Variants in ATP8A1 observed in about 807,000 individuals in gnomAD.
ATP8A1 encodes phospholipid-transporting ATPase IA.
In ATP8A1, 90 loss-of-function variants were observed where a neutral mutation model predicts 177.7. That is an observed-to-expected ratio of 0.51 (90% CI 0.43 to 0.60). The LOEUF is 0.60. Ranked by LOEUF, ATP8A1 falls within the 20% of genes least tolerant of loss-of-function variation. The pLI, the probability that ATP8A1 is intolerant of heterozygous loss-of-function variation, is 0.00. For synonymous variants in ATP8A1, 493 were observed against 485.9 expected (o/e 1.01, Z -0.19); for missense variants, 1,072 against 1,392.8 (o/e 0.77, Z 3.67).
chr4:42,554,627 G>A (rs1375201217), intron 16 of ATP8A1, among the ~76,000 whole-genome samples: 1 of 152,150 alleles, frequency 6.6e-6, no homozygotes, highest in Admixed American at 6.5e-5. Context: ...AGTTCAAGTT[G>A]GGACATACTG....
intron 12 of ATP8A1, among the ~76,000 whole-genome samples, chr4:42,576,345 A>G (rs1171998038): frequency 2.0e-5 from 3 of 151,752 alleles, no homozygotes; most frequent in African/African-American, 4.8e-5. Context: ...GAGTGGTGGC[A>G]GGCACCTGCA....
chr4:42,630,159 T>C (rs1021966711), intron 1 of ATP8A1, among the ~76,000 whole-genome samples: 34 of 152,346 alleles, frequency 2.2e-4, no homozygotes, highest in African/African-American at 7.7e-4. Flanking sequence ...TGTGCATACC[T>C]GGGCAATGCC....
At chr4:42,528,599 G>C (rs981559224) in intron 20 of ATP8A1, among the ~76,000 whole-genome samples, 11 of 151,934 alleles carry the variant, frequency 7.2e-5, no homozygotes, top group Non-Finnish European at 1.6e-4. Context: ...CCACCGACTT[G>C]GCAAATTCCT....
intron 5 of ATP8A1, among the ~76,000 whole-genome samples, chr4:42,602,999 C>G (rs375797276): frequency 1.2e-4 from 19 of 152,082 alleles, no homozygotes; most frequent in African/African-American, 4.3e-4. Flanking sequence ...TCTGTATTGC[C>G]ACTTATTTCC....
At chr4:42,451,064 G>A (rs2153177774) in intron 30 of ATP8A1, among the ~76,000 whole-genome samples, 1 of 152,248 alleles carries the variant, frequency 6.6e-6, no homozygotes, top group African/African-American at 2.4e-5. Context: ...GAACAATTTG[G>A]AGGTGGAGGA....
chr4:42,607,632 G>GT (rs34714525), intron 5 of ATP8A1, among the ~76,000 whole-genome samples: 27,345 of 146,684 alleles, frequency 0.19, 2,479 homozygotes, highest in East Asian at 0.27. Context: ...GATTCTACAG[G>GT]TTTTTTTTTT....
intron 1 of ATP8A1, among the ~76,000 whole-genome samples, chr4:42,646,250 G>C (rs1198395931): frequency 1.3e-5 from 2 of 152,180 alleles, no homozygotes; most frequent in African/African-American, 2.4e-5. Context: ...ATCTTGTCCT[G>C]CCAAGAGCAA....
chr4:42,446,558 A>G (rs761307701), intron 31 of ATP8A1, 25 bp downstream of exon 31: 2 of 1,608,734 alleles, frequency 1.2e-6, no homozygotes, highest in Non-Finnish European at 1.7e-6. Flanking sequence ...TTTACACGCA[A>G]ACGAGACCGA....
rs537429491 is a variant in ATP8A1, at chr4:42,446,190, A to C, written c.2958+393T>G. 2.6e-5 allele frequency among the ~76,000 whole-genome samples: 4 copies of C among 151,930 alleles called. No homozygotes were observed. In the South Asian group the frequency reaches 8.3e-4, roughly 32 times the overall value. On this transcript the variant is annotated intron_variant, in intron 31 of 36. Coordinates refer to ENST00000381668, the MANE Select transcript of ATP8A1 (RefSeq NM_006095.2). ...TGTCCCCAGGAGACATCCATGACAT[A>C]CGCTCTGATCTATTTCTACCCACTG...
intron 27 of ATP8A1, chr4:42,459,550 T>G: frequency 3.0e-6 from 1 of 329,898 alleles, no homozygotes; most frequent in Non-Finnish European, 6.0e-6. Context: ...GAGAAGAACA[T>G]ATAAATAGAA....
intron 5 of ATP8A1, among the ~76,000 whole-genome samples, chr4:42,608,129 G>GA (rs1735990603): frequency 6.6e-6 from 1 of 152,010 alleles, no homozygotes; most frequent in African/African-American, 2.4e-5. Flanking sequence ...TTTCTTTTTT[G>GA]AATGAAAACA....
chr4:42,582,358 G>A (rs547557926), intron 9 of ATP8A1, among the ~76,000 whole-genome samples: 26 of 152,238 alleles, frequency 1.7e-4, no homozygotes, highest in African/African-American at 6.0e-4. Context: ...TTGGAATTCA[G>A]AGGCTAATTT....
At chr4:42,445,412 T>C (rs1717105587) in intron 31 of ATP8A1, among the ~76,000 whole-genome samples, 1 of 152,164 alleles carries the variant, frequency 6.6e-6, no homozygotes, top group Admixed American at 6.5e-5. Flanking sequence ...ATTTTTTTTT[T>C]CTTTTCTTGA....
chr4:42,518,494 C>G (rs975521496), intron 22 of ATP8A1, among the ~76,000 whole-genome samples: 2 of 152,172 alleles, frequency 1.3e-5, no homozygotes, highest in Admixed American at 1.3e-4. Flanking sequence ...AAGGTGGAGG[C>G]TGAGGGGAAA....
intron 19 of ATP8A1, among the ~76,000 whole-genome samples, chr4:42,546,460 T>A: frequency 6.7e-6 from 1 of 149,312 alleles, no homozygotes; most frequent in East Asian, 2.0e-4. Flanking sequence ...AGGGATAGCA[T>A]TAGGAGATAT....
chr4:42,425,435 G>A (rs1714484259), intron 33 of ATP8A1, among the ~76,000 whole-genome samples: 1 of 151,922 alleles, frequency 6.6e-6, no homozygotes, highest in Non-Finnish European at 1.5e-5. Context: ...GGGGAAAAAA[G>A]TTTTTCTGCG....
intron 24 of ATP8A1, among the ~76,000 whole-genome samples, chr4:42,499,920 T>C (rs28448666): frequency 2.0e-5 from 3 of 152,166 alleles, no homozygotes; most frequent in East Asian, 1.9e-4. Flanking sequence ...CTAAACGATA[T>C]AAAAGAGATG....
chr4:42,636,160 A>ACACACGCGCGTGCGCGCGCGCGTG (rs1739364940), intron 1 of ATP8A1, among the ~76,000 whole-genome samples: 1 of 132,950 alleles, frequency 7.5e-6, no homozygotes, highest in African/African-American at 3.1e-5. Context: ...ACACACACGC[A>ACACACGCGCGTGCGCGCGCGCGTG]CACACACACA....
chr4:42,444,419 T>C (rs897124963), intron 32 of ATP8A1, among the ~76,000 whole-genome samples, 159 bp downstream of exon 32: 1 of 152,174 alleles, frequency 6.6e-6, no homozygotes, highest in African/African-American at 2.4e-5. Context: ...AAACCTCCAG[T>C]TCTCCTTCCC....
Sources: gnomAD v4.1 joint callset for allele counts (sites outside exome capture counted in the v4.1 genomes callset) on GRCh38, gnomAD v4.1.1 for gene constraint, MANE v1.5 for transcripts, NCBI Gene and HGNC (gene_info 2026-07-23, HGNC 2026-07-21) for gene names.